The following ELAC2 variants were observed in gnomAD, a reference collection of about 807,000 sequenced individuals.
ELAC2 encodes elaC ribonuclease Z 2, also known as zinc phosphodiesterase ELAC protein 2.
A neutral mutation model predicts 105.2 loss-of-function variants in ELAC2; 92 were observed. The ratio of observed to expected loss-of-function variants is 0.87; its 90% CI spans 0.74 to 1.04. The LOEUF (loss-of-function observed/expected upper bound fraction) is 1.04, where lower values mean the gene tolerates loss of function less well. ELAC2 is among the 50% of genes least tolerant of loss of function. The pLI, the probability that ELAC2 is intolerant of heterozygous loss-of-function variation, is 0.00. For synonymous variants in ELAC2, 468 were observed against 409.1 expected (o/e 1.14, Z -1.74); for missense variants, 1,099 against 1,071.7 (o/e 1.03, Z -0.36).
chr17:13,016,635 C>T (rs1373326815), intron 3 of ELAC2, among the ~76,000 whole-genome samples: 1 of 151,504 alleles, frequency 6.6e-6, no homozygotes, highest in Non-Finnish European at 1.5e-5. Context: ...AAAAAATTAG[C>T]CAGGTGTGAT....
Position 12,996,659 on chromosome 17 carries a change from C to T in ELAC2, c.1547G>A (p.Cys516Tyr), listed in dbSNP as rs970054118. Residue 516 changes from cysteine (C) to tyrosine (Y), a missense_variant, in exon 17 of 24, where the codon TGT (cysteine) becomes TAT (tyrosine). Cys to Tyr is a radical substitution (Grantham distance 194, BLOSUM62 -2). Coordinates refer to ENST00000338034, the MANE Select transcript of ELAC2 (RefSeq NM_018127.7). The stretch of plus-strand genomic sequence containing the variant: ...CAGCTGCCCAAATGTGCCCTCACCA[C>T]AGTCCAGTAGCAGAGACGTGTCGGG... ...ISPDTSLLLD[C>Y]GEGTFGQLCR... The T allele has an allele frequency of 6.2e-7, 1 of 1,613,876 alleles. No individual in the cohort carries two copies. Among genetic ancestry groups the T allele is most frequent in the African/African-American group, 1.3e-5 (1 of 75,016 alleles).
At position 12,994,893 on chromosome 17, in the gene ELAC2, G is replaced by C. The variant is rs768665296; in HGVS notation, c.1909-9C>G. 6 of 1,614,138 alleles carry C rather than the reference G, an allele frequency of 3.7e-6. No homozygotes were observed. The highest frequency in any genetic ancestry group is 5.1e-6 in the Non-Finnish European group (6 of 1,180,044). On this transcript the variant is annotated splice_polypyrimidine_tract_variant and intron_variant, in intron 20 of 23. Coordinates refer to ENST00000338034, the MANE Select transcript of ELAC2 (RefSeq NM_018127.7). ...ACCAGACAGGTCTGAAACTGAAAGG[G>C]TGGGGCTGGAGGGCTCTGCAGCTCT...
At chr17:13,014,719 A>C (rs1357838035) in intron 4 of ELAC2, among the ~76,000 whole-genome samples, 2 of 152,172 alleles carry the variant, frequency 1.3e-5, no homozygotes, top group East Asian at 1.9e-4. Flanking sequence ...AGGCCAGTGG[A>C]GGAGACAAAA....
chr17:13,002,350 G>A lies in ELAC2; in HGVS notation c.1228C>T (p.Pro410Ser). Residue 410 changes from proline to serine, a missense_variant, in exon 14 of 24, where the codon CCC becomes TCC. Pro to Ser is a moderately conservative substitution (Grantham distance 74). Coordinates refer to ENST00000338034, the MANE Select transcript of ELAC2 (RefSeq NM_018127.7). ...TGAACCATGGGCACACTGAGGGTGGGGCCCTCCTTCTGAAAGAGACAAAAC... is the reference window on the plus strand; with the variant it reads ...TGAACCATGGGCACACTGAGGGTGGAGCCCTCCTTCTGAAAGAGACAAAAC... ...LTSFRCKKEG[P>S]TLSVPMVQGE... The A allele has an allele frequency of 6.2e-7, 1 of 1,614,170 alleles. No individual in the cohort carries two copies.
In ELAC2 at chr17:12,995,815, G is replaced by A; in HGVS notation, c.1699-3C>T. On this transcript the variant is annotated splice_polypyrimidine_tract_variant and splice_region_variant and intron_variant, in intron 18 of 23. Coordinates refer to ENST00000338034, the MANE Select transcript of ELAC2 (RefSeq NM_018127.7). Reference sequence around the variant, plus strand: ...TGAAGCGGCTTTCCCAAAGATGCCTGGAACAAAAAATGCAAGTGCCGACTC... The same window carrying A: ...TGAAGCGGCTTTCCCAAAGATGCCTAGAACAAAAAATGCAAGTGCCGACTC... 6.2e-7 allele frequency: 1 copy of A among 1,608,378 alleles called. No homozygotes were observed. Among genetic ancestry groups the A allele is most frequent in the Non-Finnish European group, 8.5e-7 (1 of 1,177,404 alleles).
chr17:13,016,622 C>CA (rs535226623), intron 3 of ELAC2, among the ~76,000 whole-genome samples: 33 of 150,280 alleles, frequency 2.2e-4, no homozygotes, highest in African/African-American at 7.8e-4. Flanking sequence ...ACAAAACATA[C>CA]AAAAAAAATT....
intron 8 of ELAC2, 55 bp downstream of exon 8, chr17:13,010,558 G>A: frequency 6.6e-7 from 1 of 1,526,122 alleles, no homozygotes; most frequent in Non-Finnish European, 9.1e-7. Flanking sequence ...GTGCAAACCA[G>A]AGGTCGCTGA....
rs376766610 is a variant in ELAC2, at chr17:12,995,952, T to C, written c.1686A>G (p.Arg562=). The part of the protein sequence containing the change: ...HTGLPSILLQ[R]ERALASLGKP... ...GTGCCACACTTACCAAGGCGCGTTC[T>C]CTCTGCAGCAAGATACTTGGCAAGC... The change falls in exon 18 of 24, where the codon AGA becomes AGG. Residue 562 remains arginine (R), a synonymous_variant. Coordinates refer to ENST00000338034, the MANE Select transcript of ELAC2 (RefSeq NM_018127.7). 6 of 1,596,626 alleles carry C rather than the reference T, an allele frequency of 3.8e-6. No homozygotes were observed. Among genetic ancestry groups the C allele is most frequent in the Non-Finnish European group, 4.3e-6 (5 of 1,170,288 alleles).
At chr17:13,000,427 G>C (rs1598217617) in intron 14 of ELAC2, 153 bp from the exon 15 acceptor site, 2 of 749,078 alleles carry the variant, frequency 2.7e-6, no homozygotes, top group African/African-American at 3.4e-5. Flanking sequence ...ATCTGGGGCA[G>C]GTCTGCTCCA....
intron 14 of ELAC2, chr17:13,000,982 T>C (rs1390585885): frequency 6.4e-5 from 10 of 155,426 alleles, no homozygotes; most frequent in Admixed American, 6.2e-4. Context: ...ATCGCTGCTG[T>C]GTGTTAAGAG....
In ELAC2 at chr17:12,992,145, TGATTGATA is replaced by T. The variant is rs2040211538; in HGVS notation, c.*665_*672del. 6.8e-6 allele frequency among the ~76,000 whole-genome samples: 1 copy of T among 146,406 alleles called. No individual in the cohort carries two copies. Among genetic ancestry groups the T allele is most frequent in the Admixed American group, 6.8e-5 (1 of 14,738 alleles). On this transcript the variant is annotated 3_prime_UTR_variant, in exon 24 of 24. Transcript: ENST00000338034. The stretch of plus-strand genomic sequence containing the variant: ...TGATTGATTTGATTGATTGATTGAT[TGATTGATA>T]GAGAAAGCACGCCCTGCTGTGAGCT...
At chr17:13,006,397 G>A (rs2041113553) in intron 8 of ELAC2, 2 of 237,076 alleles carry the variant, frequency 8.4e-6, no homozygotes, top group East Asian at 1.0e-4. Context: ...ATAAAATGAT[G>A]TTGTTTCCTT....
In ELAC2 at chr17:13,000,168, G is replaced by A. The variant is rs1285165409; in HGVS notation, c.1411C>T (p.Pro471Ser). The A allele has an allele frequency of 8.7e-6, 14 of 1,613,520 alleles. No individual in the cohort carries two copies. Among genetic ancestry groups the A allele is most frequent in the Non-Finnish European group, 1.1e-5 (13 of 1,180,004 alleles). Reference protein sequence around the residue: ...QEYRRSAQDGPAPAEKRSQYP... With the variant: ...QEYRRSAQDGSAPAEKRSQYP... The stretch of plus-strand genomic sequence containing the variant: ...GGCTCCCACTCACCTGCTGGGGCTG[G>A]GCCGTCCTGCGCACTCCTCCTGTAC... Residue 471 changes from proline (P) to serine (S), a missense_variant, in exon 15 of 24, where the codon CCA becomes TCA. Pro to Ser is a moderately conservative substitution (Grantham distance 74). Coordinates refer to ENST00000338034, the MANE Select transcript of ELAC2 (RefSeq NM_018127.7).
chr17:13,016,913 C>T lies in ELAC2; in HGVS notation c.316G>A (p.Asp106Asn), dbSNP rs1167020926. The T allele has an allele frequency of 6.2e-7, 1 of 1,614,084 alleles. No individual in the cohort carries two copies. Among genetic ancestry groups the T allele is most frequent in the Admixed American group, 1.7e-5 (1 of 60,014 alleles). The change falls in exon 3 of 24, where the codon GAC (aspartate) becomes AAC (asparagine). Residue 106 changes from aspartate to asparagine, a missense_variant. Asp to Asn is a conservative substitution (Grantham distance 23). Coordinates refer to ENST00000338034, the MANE Select transcript of ELAC2 (RefSeq NM_018127.7). ...TGCATTCGTGTCAGGAATATGTTGT[C>T]CAGGCGAGCAACCTTTAACCTAAGA... ...QEHKLKVARL[D>N]NIFLTRMHWS...
chr17:13,000,714 C>T (rs2040745367), intron 14 of ELAC2: 1 of 234,648 alleles, frequency 4.3e-6, no homozygotes, highest in African/African-American at 2.3e-5. Flanking sequence ...CACCCAGGAA[C>T]CTTGGCAAAA....
intron 1 of ELAC2, 184 bp downstream of exon 1, chr17:13,017,519 A>G: frequency 8.0e-7 from 1 of 1,252,450 alleles, no homozygotes; most frequent in Non-Finnish European, 1.1e-6. Context: ...TTCTTCACAG[A>G]TCCGCAGAAA....
intron 16 of ELAC2, among the ~76,000 whole-genome samples, chr17:12,997,057 T>C (rs2040512804): frequency 6.6e-6 from 1 of 152,120 alleles, no homozygotes; most frequent in African/African-American, 2.4e-5. Context: ...GGACAGGCAC[T>C]GGGCCATATG....
At chr17:13,015,734 A>C (rs764410217) in intron 4 of ELAC2, 34 bp downstream of exon 4, 2 of 1,576,192 alleles carry the variant, frequency 1.3e-6, no homozygotes, top group East Asian at 2.2e-5. Flanking sequence ...AAAAGGAAAG[A>C]TTGCTTTTGA....
chr17:13,006,028 T>C, intron 8 of ELAC2, 49 bp from the exon 9 acceptor site: 2 of 1,569,892 alleles, frequency 1.3e-6, no homozygotes, highest in African/African-American at 1.3e-5. Flanking sequence ...ATGAAGAAGG[T>C]TGGTTTTAAT....
Sources: gnomAD v4.1 joint callset for allele counts (sites outside exome capture counted in the v4.1 genomes callset) on GRCh38, gnomAD v4.1.1 for gene constraint, MANE v1.5 for transcripts, NCBI Gene and HGNC (gene_info 2026-07-23, HGNC 2026-07-21) for gene names.